The following AP3B1 variants were observed in gnomAD, a reference collection of about 807,000 sequenced individuals.
AP3B1 encodes adaptor related protein complex 3 subunit beta 1, also known as AP-3 complex subunit beta-1.
AP3B1 carries 61 observed loss-of-function variants against 132.5 expected under a neutral mutation model. That is an observed-to-expected ratio of 0.46 (90% CI 0.37 to 0.57). The LOEUF (loss-of-function observed/expected upper bound fraction) is 0.57. Ranked by LOEUF, AP3B1 falls within the 20% of genes least tolerant of loss-of-function variation. The probability of loss-of-function intolerance (pLI) is 0.00; values close to 1 mark genes in which losing one functional copy is unlikely to be tolerated. For missense variants in AP3B1, 1,120 were observed against 1,289.4 expected, an observed-to-expected ratio of 0.87 and a Z score of 2.01; for synonymous variants, 388 against 438.3, an observed-to-expected ratio of 0.89 and a Z score of 1.43.
At chr5:78,062,109 T>C (rs1310856297) in intron 22 of AP3B1, among the ~76,000 whole-genome samples, 1 of 152,252 alleles carries the variant, frequency 6.6e-6, no homozygotes, top group Non-Finnish European at 1.5e-5. Context: ...AACAAAAGTT[T>C]AGCTTTATAA....
intron 22 of AP3B1, chr5:78,089,059 A>G (rs1750397935): frequency 5.6e-6 from 1 of 179,236 alleles, no homozygotes; most frequent in Non-Finnish European, 1.2e-5. Context: ...TACGGAAATG[A>G]AAGTCTGTTA....
chr5:78,015,363 C>A, intron 26 of AP3B1, 47 bp downstream of exon 26: 1 of 1,585,048 alleles, frequency 6.3e-7, no homozygotes, highest in Non-Finnish European at 8.7e-7. Context: ...TATATTTATA[C>A]ATATTCAAGT....
chr5:78,107,325 G>A (rs2112245767), intron 20 of AP3B1, among the ~76,000 whole-genome samples: 1 of 152,278 alleles, frequency 6.6e-6, no homozygotes, highest in East Asian at 1.9e-4. Context: ...GTATGTGTAG[G>A]ATAGAGTTGG....
chr5:78,260,868 TG>T (rs1424051460), intron 2 of AP3B1, among the ~76,000 whole-genome samples: 3 of 38,130 alleles, frequency 7.9e-5, no homozygotes, highest in South Asian at 5.5e-4. Flanking sequence ...CAATTTTTTG[TG>T]TGTGTGTGTC....
chr5:78,137,042 C>CAA (rs1752947908), intron 15 of AP3B1, among the ~76,000 whole-genome samples: 1 of 152,120 alleles, frequency 6.6e-6, no homozygotes, highest in Admixed American at 6.5e-5. Context: ...TAGAATTTTT[C>CAA]ATCTTCCCAA....
At chr5:78,243,263 A>G (rs1324119056) in intron 2 of AP3B1, among the ~76,000 whole-genome samples, 1 of 151,308 alleles carries the variant, frequency 6.6e-6, no homozygotes, top group Non-Finnish European at 1.5e-5. Context: ...AATGTTCTGT[A>G]GGACCCCTGC....
chr5:78,130,701 T>A (rs1561428427), intron 15 of AP3B1, among the ~76,000 whole-genome samples: 1 of 152,028 alleles, frequency 6.6e-6, no homozygotes, highest in Non-Finnish European at 1.5e-5. Flanking sequence ...TGTGGTACAC[T>A]AAACCATGTA....
At chr5:78,148,412 C>A (rs1753506647) in intron 14 of AP3B1, among the ~76,000 whole-genome samples, 1 of 152,176 alleles carries the variant, frequency 6.6e-6, no homozygotes, top group Admixed American at 6.5e-5. Context: ...CACTAAAACC[C>A]ATGGTTTTCA....
At chr5:78,016,106 T>C (rs1746844816) in intron 25 of AP3B1, among the ~76,000 whole-genome samples, 1 of 152,074 alleles carries the variant, frequency 6.6e-6, no homozygotes. Context: ...AGGCTATACT[T>C]AGAGCTAAAA....
intron 11 of AP3B1, among the ~76,000 whole-genome samples, chr5:78,169,080 T>C (rs923812985): frequency 6.6e-6 from 1 of 152,170 alleles, no homozygotes; most frequent in Non-Finnish European, 1.5e-5. Flanking sequence ...ATATGGTACA[T>C]TTTTGCGTGT....
intron 7 of AP3B1, among the ~76,000 whole-genome samples, chr5:78,184,831 T>A (rs1744537878): frequency 6.6e-6 from 1 of 152,146 alleles, no homozygotes; most frequent in South Asian, 2.1e-4. Flanking sequence ...CTGCAAACTT[T>A]TTAAATTTGG....
At chr5:78,023,763 CTG>C (rs1283741820) in intron 24 of AP3B1, among the ~76,000 whole-genome samples, 1 of 152,174 alleles carries the variant, frequency 6.6e-6, no homozygotes, top group African/African-American at 2.4e-5. Context: ...AGAAGTATAA[CTG>C]TTAATCTTAG....
At chr5:78,049,272 G>C (rs1056619179) in intron 22 of AP3B1, among the ~76,000 whole-genome samples, 1 of 152,150 alleles carries the variant, frequency 6.6e-6, no homozygotes, top group Admixed American at 6.5e-5. Flanking sequence ...GTGGTAACGT[G>C]CAAGAATTAG....
intron 1 of AP3B1, among the ~76,000 whole-genome samples, chr5:78,276,821 A>C (rs1748796686): frequency 6.6e-6 from 1 of 152,026 alleles, no homozygotes; most frequent in Admixed American, 6.6e-5. Context: ...GTGAGCCAAG[A>C]TCGCACCATT....
intron 15 of AP3B1, among the ~76,000 whole-genome samples, chr5:78,137,470 A>G (rs974011559): frequency 6.6e-6 from 1 of 152,006 alleles, no homozygotes; most frequent in African/African-American, 2.4e-5. Context: ...TCTCTTCTCT[A>G]CTTCCTCAAG....
intron 25 of AP3B1, among the ~76,000 whole-genome samples, chr5:78,020,020 C>G (rs1298176500): frequency 6.6e-6 from 1 of 151,926 alleles, no homozygotes; most frequent in Non-Finnish European, 1.5e-5. Flanking sequence ...AGTTATCTCC[C>G]CTTATTCACA....
intron 14 of AP3B1, among the ~76,000 whole-genome samples, chr5:78,146,057 A>G (rs1416107809): frequency 6.6e-6 from 1 of 152,170 alleles, no homozygotes; most frequent in Non-Finnish European, 1.5e-5. Context: ...ATTCAGGAGG[A>G]CAGAAGTCTC....
chr5:78,174,798 G>A (rs564578327), intron 11 of AP3B1, among the ~76,000 whole-genome samples: 2 of 152,368 alleles, frequency 1.3e-5, no homozygotes, highest in South Asian at 4.1e-4. Flanking sequence ...GTTGTCTGCT[G>A]CCTTGTGTTC....
At chr5:78,170,528 T>G (rs1743866633) in intron 11 of AP3B1, among the ~76,000 whole-genome samples, 1 of 152,238 alleles carries the variant, frequency 6.6e-6, no homozygotes, top group Non-Finnish European at 1.5e-5. Context: ...CATTTTTTCA[T>G]GTGTCTGTTG....
Sources: allele counts gnomAD v4.1 joint callset (sites outside exome capture counted in the v4.1 genomes callset), GRCh38; gene constraint gnomAD v4.1.1; transcripts MANE v1.5; gene names NCBI Gene and HGNC (gene_info 2026-07-23, HGNC 2026-07-21).